Variants in TBC1D14 observed in about 807,000 individuals in gnomAD.
TBC1D14 encodes TBC1 domain family, member 14.
Under a neutral mutation model 79.0 loss-of-function variants are expected in TBC1D14, and 26 were observed. The ratio of observed to expected loss-of-function variants is 0.33; its 90% CI spans 0.24 to 0.46. The LOEUF (loss-of-function observed/expected upper bound fraction) is 0.46. Among genes scored for constraint, TBC1D14 ranks in the 20% least tolerant of loss-of-function variants. The pLI is 1.00. For missense variants in TBC1D14, 769 were observed against 887.6 expected, an observed-to-expected ratio of 0.87 and a Z score of 1.70; for synonymous variants, 394 against 349.9, an observed-to-expected ratio of 1.13 and a Z score of -1.40.
In TBC1D14 at chr4:6,967,306, A is replaced by G. The variant is rs757838556; in HGVS notation, c.725A>G (p.Asn242Ser). 1.7e-5 allele frequency: 28 copies of G among 1,613,690 alleles called. No individual in the cohort carries two copies. The highest frequency in any genetic ancestry group is 2.4e-5 in the Non-Finnish European group (28 of 1,179,916). ...ACCTTGTTATTTTCTTCCTATAGGAACTTGCTTGCTAGAAAACAAAGTGCA... is the reference window on the plus strand; with the variant it reads ...ACCTTGTTATTTTCTTCCTATAGGAGCTTGCTTGCTAGAAAACAAAGTGCA... Reference protein sequence around the residue: ...LGPFSNFFARNLLARKQSARL... With the variant: ...LGPFSNFFARSLLARKQSARL... Residue 242 changes from asparagine to serine, a missense_variant and splice_region_variant, in exon 3 of 14, where the codon AAC (asparagine) becomes AGC (serine). Around this residue, in one of 2 missense-constraint regions of TBC1D14, gnomAD observed 402 missense variants for 393.2 expected, o/e 1.02. Coordinates refer to ENST00000409757, the MANE Select transcript of TBC1D14 (RefSeq NM_020773.3).
intron 7 of TBC1D14, chr4:7,001,522 G>A (rs968204103): frequency 1.3e-5 from 5 of 381,960 alleles, no homozygotes; most frequent in Admixed American, 4.2e-5. Context: ...CCTGAGCTTC[G>A]CAGATCAAAG....
At chr4:6,980,738 C>T (rs111646480) in intron 3 of TBC1D14, among the ~76,000 whole-genome samples, 7 of 150,012 alleles carry the variant, frequency 4.7e-5, no homozygotes, top group East Asian at 3.9e-4. Flanking sequence ...TTTTTTGATA[C>T]GGAGTCTCGC....
chr4:6,944,509 G>C (rs935908159), intron 2 of TBC1D14, among the ~76,000 whole-genome samples: 8 of 152,172 alleles, frequency 5.3e-5, no homozygotes, highest in African/African-American at 1.9e-4. Flanking sequence ...GCTCTGGCCT[G>C]TCCTCCCTGG....
intron 2 of TBC1D14, among the ~76,000 whole-genome samples, chr4:6,931,868 G>A (rs914516771): frequency 5.3e-5 from 8 of 152,030 alleles, no homozygotes; most frequent in Admixed American, 1.3e-4. Context: ...CCCTGTCCTC[G>A]CAGAGCTTAA....
rs761242173 is a variant in TBC1D14 at position 6,923,611 on chromosome 4, G to A, written c.222G>A (p.Gly74=). The stretch of plus-strand genomic sequence containing the variant: ...CGGGGATTCCTACCCTGGAGATCGG[G>A]AACCCGGAGCCTGTACCCTGCAGCG... ...VDSGIPTLEI[G]NPEPVPCSAV... is the part of the protein sequence containing the mutation. Residue 74 remains glycine (G), a synonymous_variant, in exon 2 of 14, where the codon GGG becomes GGA. Transcript: ENST00000409757. 4.3e-6 allele frequency: 7 copies of A among 1,613,852 alleles called. No individual in the cohort carries two copies. The South Asian group carries it at 5.5e-5, about 13-fold the overall frequency.
At chr4:6,928,293 C>A (rs1022477395) in intron 2 of TBC1D14, among the ~76,000 whole-genome samples, 3 of 152,114 alleles carry the variant, frequency 2.0e-5, no homozygotes. Flanking sequence ...TGGATTTTTC[C>A]GGACCACTTC....
At chr4:6,991,942 T>A (rs1230558239) in intron 3 of TBC1D14, among the ~76,000 whole-genome samples, 1 of 152,242 alleles carries the variant, frequency 6.6e-6, no homozygotes, top group Non-Finnish European at 1.5e-5. Context: ...TTTTTGTATC[T>A]GTGCTGTTGG....
chr4:7,032,506 G>A lies in TBC1D14; in HGVS notation c.*2114G>A, dbSNP rs1723155664. 6.6e-6 allele frequency: 1 copy of A among 152,578 alleles called. No homozygotes were observed. Among genetic ancestry groups the A allele is most frequent in the Admixed American group, 6.5e-5 (1 of 15,276 alleles). 9.5% of individuals were successfully genotyped at this position (152,578 alleles called of 1,614,324 possible). A position where few individuals can be genotyped will look rare whatever the true frequency, so the allele number is the denominator to read the frequency against. ...CAGTCTCTCCAGATAGCACTACGAT[G>A]TATTCCGCTTCTGAACAGGATCCCA... is the stretch of plus-strand genomic sequence containing the variant. On this transcript the variant is annotated 3_prime_UTR_variant, in exon 14 of 14. Transcript: ENST00000409757.
intron 3 of TBC1D14, among the ~76,000 whole-genome samples, chr4:6,978,133 C>A (rs1484465587): frequency 6.7e-6 from 1 of 150,080 alleles, no homozygotes; most frequent in East Asian, 2.0e-4. Flanking sequence ...GTCAGCCCCC[C>A]GCCCGGCTAG....
chr4:7,014,623 C>T, intron 12 of TBC1D14, 66 bp downstream of exon 12: 2 of 1,115,780 alleles, frequency 1.8e-6, no homozygotes, highest in Middle Eastern at 2.0e-4. Flanking sequence ...TCACTCTCTT[C>T]TCTGCCAACT....
chr4:7,001,830 G>A (rs879910760), intron 7 of TBC1D14, among the ~76,000 whole-genome samples: 1 of 152,098 alleles, frequency 6.6e-6, no homozygotes, highest in African/African-American at 2.4e-5. Context: ...ACTCTGAAGC[G>A]CGTCCAGAGT....
chr4:7,025,013 C>T lies in TBC1D14; in HGVS notation c.1767C>T (p.Thr589=), dbSNP rs1230482368. 1 of 1,613,982 alleles carries T rather than the reference C, an allele frequency of 6.2e-7. No homozygotes were observed. Among genetic ancestry groups the T allele is most frequent in the Non-Finnish European group, 8.5e-7 (1 of 1,180,026 alleles). The change falls in exon 13 of 14, where the codon ACC becomes ACT. Residue 589 remains threonine, a synonymous_variant. Coordinates refer to ENST00000409757, the MANE Select transcript of TBC1D14 (RefSeq NM_020773.3). ...PDIYLIDWIF[T]LYSKSLPLDL... is the part of the protein sequence containing the mutation. ...AACTTTTACCCCCTAGGATCTTTAC[C>T]TTATATAGTAAATCTCTGCCCCTCG...
chr4:6,945,470 T>A (rs1407181672), intron 2 of TBC1D14, among the ~76,000 whole-genome samples: 1 of 152,116 alleles, frequency 6.6e-6, no homozygotes, highest in Non-Finnish European at 1.5e-5. Flanking sequence ...AAAGCATAGC[T>A]GGTCGTGGTG....
At chr4:6,987,394 T>C in intron 3 of TBC1D14, 5 of 1,384,376 alleles carry the variant, frequency 3.6e-6, no homozygotes, top group Non-Finnish European at 4.7e-6. Flanking sequence ...GCCCCAGGCC[T>C]GCCCGGTCCC....
intron 1 of TBC1D14, among the ~76,000 whole-genome samples, chr4:6,914,444 T>C (rs1723235031): frequency 6.6e-6 from 1 of 152,188 alleles, no homozygotes; most frequent in South Asian, 2.1e-4. Flanking sequence ...ATAATGGCCT[T>C]TTCCATTTTA....
intron 2 of TBC1D14, among the ~76,000 whole-genome samples, chr4:6,930,733 G>C (rs1357286120): frequency 2.0e-5 from 3 of 151,406 alleles, no homozygotes; most frequent in Non-Finnish European, 4.4e-5. Flanking sequence ...GAGAGGTAGA[G>C]GTTGCAGTGA....
intron 11 of TBC1D14, among the ~76,000 whole-genome samples, chr4:7,012,303 A>C (rs763301704): frequency 1.5e-4 from 4 of 27,028 alleles, no homozygotes; most frequent in South Asian, 1.2e-3. Context: ...CCCCATCTCA[A>C]AAAAAAAAAA....
At chr4:6,948,399 G>A (rs549708408) in intron 2 of TBC1D14, among the ~76,000 whole-genome samples, 1 of 152,314 alleles carries the variant, frequency 6.6e-6, no homozygotes, top group South Asian at 2.1e-4. Flanking sequence ...ACTGACCCTG[G>A]GAGGTTTTGC....
At chr4:6,999,575 C>T (rs1719444260) in intron 6 of TBC1D14, among the ~76,000 whole-genome samples, 1 of 152,206 alleles carries the variant, frequency 6.6e-6, no homozygotes, top group South Asian at 2.1e-4. Flanking sequence ...CCTCGGATGC[C>T]TCTCCTCCAC....
Sources: gnomAD v4.1 joint callset for allele counts (sites outside exome capture counted in the v4.1 genomes callset) on GRCh38, gnomAD v4.1.1 for gene constraint, gnomAD v4.1.1 regional missense constraint, MANE v1.5 for transcripts, NCBI Gene and HGNC (gene_info 2026-07-23, HGNC 2026-07-21) for gene names.